The following MROH6 variants were observed in gnomAD, a reference collection of about 807,000 sequenced individuals.
MROH6 encodes maestro heat-like repeat-containing protein family member 6.
A neutral mutation model predicts 67.7 loss-of-function variants in MROH6; 62 were observed. The observed-to-expected ratio is 0.92, with a 90% CI of 0.75 to 1.13. The LOEUF is 1.13. MROH6 is among the 50% of genes most tolerant of loss of function. MROH6 has a pLI of 0.00. For synonymous variants in MROH6, 566 were observed against 470.8 expected, an observed-to-expected ratio of 1.20 and a Z score of -2.62; for missense variants, 1,175 against 1,029.1, an observed-to-expected ratio of 1.14 and a Z score of -1.94.
intron 10 of MROH6, 119 bp from the exon 11 acceptor site, chr8:143,568,380 T>C (rs10101426): frequency 0.99 from 1,437,830 of 1,447,992 alleles, 714,408 homozygotes; most frequent in East Asian, 1. Context: ...GGCAGGAGAC[T>C]GGATTGATTC....
At position 143,569,744 on chromosome 8, in the gene MROH6, A is replaced by G; in HGVS notation, c.1255T>C (p.Trp419Arg). ...WQGDPEPTVR[W>R]LGLLGLGHLA... Reference sequence around the variant, plus strand: ...TGGCCCAGGCCCAGCAGGCCCAACCAGCGCACAGTGGGTTCGGGGTCTCCC... The same window carrying G: ...TGGCCCAGGCCCAGCAGGCCCAACCGGCGCACAGTGGGTTCGGGGTCTCCC... Residue 419 changes from tryptophan to arginine, a missense_variant, in exon 8 of 14, where the codon TGG becomes CGG. Coordinates refer to ENST00000398882, the MANE Select transcript of MROH6 (RefSeq NM_001100878.2). 6.2e-7 allele frequency: 1 copy of G among 1,613,156 alleles called. No homozygotes were observed.
chr8:143,571,621 G>A, intron 3 of MROH6, 46 bp downstream of exon 3: 2 of 1,549,576 alleles, frequency 1.3e-6, no homozygotes, highest in Non-Finnish European at 1.7e-6. Flanking sequence ...GCGGGAAGAG[G>A]GAAGGAAGCC....
Position 143,567,204 on chromosome 8 carries a change from G to T in MROH6, c.*35C>A. ...GCTGCTATGCGCGTGGGGTGCCCGA[G>T]TCGGACCCTGGCCCTCGGGCCCCAG... On this transcript the variant is annotated 3_prime_UTR_variant, in exon 14 of 14. Coordinates refer to ENST00000398882, the MANE Select transcript of MROH6 (RefSeq NM_001100878.2). 8.5e-7 allele frequency: 1 copy of T among 1,179,230 alleles called. No homozygotes were observed. Among genetic ancestry groups the T allele is most frequent in the Non-Finnish European group, 1.1e-6 (1 of 943,166 alleles). The allele number at this position is 1,179,230 out of a possible 1,614,324, so 73.0% of individuals were successfully genotyped here. A position where few individuals can be genotyped will look rare whatever the true frequency, so the allele number is the denominator to read the frequency against.
At chr8:143,569,071 G>C (rs1490687011) in intron 9 of MROH6, among the ~76,000 whole-genome samples, 1 of 53,174 alleles carries the variant, frequency 1.9e-5, no homozygotes, top group African/African-American at 7.9e-5. Context: ...GGGCCTGGGA[G>C]GGAGAAACTG....
rs765980828 is a variant in MROH6, at chr8:143,569,993, C to T, written c.1116G>A (p.Ala372=). ...TAGCCGTGAGACGCTGCGGGTCGTCCGCGCTGCGAAGCCGAGGGAGCAAGT... is the reference window on the plus strand; with the variant it reads ...TAGCCGTGAGACGCTGCGGGTCGTCTGCGCTGCGAAGCCGAGGGAGCAAGT... ...FADLLPRLRS[A]DDPQRLTAMA... The change falls in exon 7 of 14, where the codon GCG becomes GCA. Residue 372 remains alanine, a synonymous_variant. Transcript: ENST00000398882. 61 of 1,613,088 alleles carry T rather than the reference C, an allele frequency of 3.8e-5. No individual in the cohort carries two copies. Among genetic ancestry groups the T allele is most frequent in the Non-Finnish European group, 4.7e-5 (55 of 1,179,868 alleles).
chr8:143,568,849 A>G (rs1823800456), intron 9 of MROH6, 130 bp from the exon 10 acceptor site: 2 of 674,926 alleles, frequency 3.0e-6, no homozygotes, highest in Admixed American at 6.5e-5. Flanking sequence ...ATCTGGGGAC[A>G]GGGAACAGGG....
At position 143,572,753 on chromosome 8, in the gene MROH6, G is replaced by A. The variant is rs1824137758; in HGVS notation, c.-39C>T. ...TGCAGCACCTGCCGCTGCTCCTCCT[G>A]CGAAGTTGTGCCCAGGACTGACCTA... On this transcript the variant is annotated 5_prime_UTR_variant, in exon 1 of 14. Coordinates refer to ENST00000398882, the MANE Select transcript of MROH6 (RefSeq NM_001100878.2). 2.8e-6 allele frequency: 4 copies of A among 1,449,332 alleles called. No individual in the cohort carries two copies. The highest frequency in any genetic ancestry group is 1.4e-5 in the African/African-American group (1 of 70,244). The allele number at this position is 1,449,332 out of a possible 1,614,324, so 89.8% of individuals were successfully genotyped here.
chr8:143,572,132 CG>C lies in MROH6; in HGVS notation c.347del (p.Thr116ArgfsTer49). ...AGCCAGCCTCCTCCAGGCAGGCAGC[CG>C]TGTACAACGCGAGGTCGGCAAGAAC... is the stretch of plus-strand genomic sequence containing the variant. ...EGVLADLALY[T>X]AACLEEAGFA... is the part of the protein sequence containing the mutation. On this transcript the variant is annotated frameshift_variant, in exon 2 of 14. Transcript: ENST00000398882. LOFTEE classifies it high-confidence loss of function. 6.2e-7 allele frequency: 1 copy of C among 1,613,044 alleles called. No individual in the cohort carries two copies. Among genetic ancestry groups the C allele is most frequent in the Non-Finnish European group, 8.5e-7 (1 of 1,179,876 alleles).
rs1002517537 is a variant in MROH6 at position 143,567,478 on chromosome 8, C to T, written c.1934-13G>A. The T allele has an allele frequency of 7.7e-6, 11 of 1,426,182 alleles. No homozygotes were observed. The highest frequency in any genetic ancestry group is 4.4e-5 in the African/African-American group (3 of 68,600). 88.3% of individuals were successfully genotyped at this position (1,426,182 alleles called of 1,614,324 possible). A position where few individuals can be genotyped will look rare whatever the true frequency, so the allele number is the denominator to read the frequency against. On this transcript the variant is annotated splice_polypyrimidine_tract_variant and intron_variant, in intron 13 of 13. Coordinates refer to ENST00000398882, the MANE Select transcript of MROH6 (RefSeq NM_001100878.2). ...AGTCGCCCTAGGTCTGCGAGGAGATCGCGGCTCAGGCTGGGGAGCCCAGGA... is the reference window on the plus strand; with the variant it reads ...AGTCGCCCTAGGTCTGCGAGGAGATTGCGGCTCAGGCTGGGGAGCCCAGGA...
Position 143,569,597 on chromosome 8 carries a change from C to A in MROH6, c.1320G>T (p.Thr440=), listed in dbSNP as rs1417184207. 1.3e-6 allele frequency: 2 copies of A among 1,573,424 alleles called. No homozygotes were observed. Among genetic ancestry groups the A allele is most frequent in the South Asian group, 1.2e-5 (1 of 85,552 alleles). ...LNRRKVRHVS[T]LLPALLGALG... ...GTGCGCCCAGGAGCGCCGGCAGCAG[C>A]GTGCTCACGTGCCGCACCTGCTGGG... Residue 440 remains threonine (T), a synonymous_variant, in exon 9 of 14, where the codon ACG becomes ACT. Coordinates refer to ENST00000398882, the MANE Select transcript of MROH6 (RefSeq NM_001100878.2).
chr8:143,570,489 G>A lies in MROH6; in HGVS notation c.889C>T (p.Pro297Ser), dbSNP rs1239753833. The change falls in exon 5 of 14, where the codon CCA (proline) becomes TCA (serine). Residue 297 changes from proline (P) to serine (S), a missense_variant. Physicochemically the swap from Pro to Ser is moderately conservative, Grantham distance 74. Coordinates refer to ENST00000398882, the MANE Select transcript of MROH6 (RefSeq NM_001100878.2). ...GCCTCTCACCTGGCATGGCTATGTG[G>A]TGGCCCTCGGTGGGACAGAACCCAA... is the stretch of plus-strand genomic sequence containing the variant. ...KIWVLSHRGPPHSHASCAVEA... is the reference protein window; with the variant it reads ...KIWVLSHRGPSHSHASCAVEA... 6.2e-7 allele frequency: 1 copy of A among 1,612,692 alleles called. No individual in the cohort carries two copies. The highest frequency in any genetic ancestry group is 8.5e-7 in the Non-Finnish European group (1 of 1,179,636).
At chr8:143,569,925 A>G in intron 7 of MROH6, 26 bp downstream of exon 7, 2 of 1,612,200 alleles carry the variant, frequency 1.2e-6, no homozygotes, top group Non-Finnish European at 1.7e-6. Flanking sequence ...GTCACCCTTC[A>G]CCACCCATCC....
intron 9 of MROH6, 89 bp from the exon 10 acceptor site, chr8:143,568,808 C>CTA: frequency 9.5e-7 from 1 of 1,057,966 alleles, no homozygotes; most frequent in African/African-American, 1.7e-5. Flanking sequence ...GAGGAAGCGG[C>CTA]GGGTCTAGGG....
chr8:143,568,656 C>A lies in MROH6; in HGVS notation c.1540G>T (p.Gly514Cys). ...CCGCGGAGCCCCAGCCGGAGCCCGC[C>A]CCGGCCCCGGCGCACCAGAGTCCCA... ...LLGTLVRRGR[G>C]GLRLGLRGPL... The change falls in exon 10 of 14, where the codon GGC becomes TGC. Residue 514 changes from glycine to cysteine, a missense_variant. Coordinates refer to ENST00000398882, the MANE Select transcript of MROH6 (RefSeq NM_001100878.2). 6.5e-7 allele frequency: 1 copy of A among 1,531,922 alleles called. No individual in the cohort carries two copies. Among genetic ancestry groups the A allele is most frequent in the Non-Finnish European group, 8.7e-7 (1 of 1,144,248 alleles). The allele number at this position is 1,531,922 out of a possible 1,614,324, so 94.9% of individuals were successfully genotyped here.
intron 7 of MROH6, 24 bp downstream of exon 7, chr8:143,569,927 C>G: frequency 6.2e-7 from 1 of 1,612,302 alleles, no homozygotes; most frequent in Middle Eastern, 1.7e-4. Flanking sequence ...CACCCTTCAC[C>G]ACCCATCCGG....
Position 143,572,134 on chromosome 8 carries a change from T to A in MROH6, c.346A>T (p.Thr116Ser). The change falls in exon 2 of 14, where the codon ACG (threonine) becomes TCG (serine). Residue 116 changes from threonine to serine, a missense_variant. Transcript: ENST00000398882. Reference sequence around the variant, plus strand: ...CCAGCCTCCTCCAGGCAGGCAGCCGTGTACAACGCGAGGTCGGCAAGAACT... The same window carrying A: ...CCAGCCTCCTCCAGGCAGGCAGCCGAGTACAACGCGAGGTCGGCAAGAACT... ...EGVLADLALYTAACLEEAGFA... is the reference protein window; with the variant it reads ...EGVLADLALYSAACLEEAGFA... 1.2e-6 allele frequency: 2 copies of A among 1,612,998 alleles called. No homozygotes were observed. The highest frequency in any genetic ancestry group is 1.1e-5 in the South Asian group (1 of 91,082).
chr8:143,572,377 A>T (rs1824102341), intron 1 of MROH6, 44 bp downstream of exon 1: 1 of 1,501,320 alleles, frequency 6.7e-7, no homozygotes, highest in East Asian at 2.4e-5. Flanking sequence ...CATCCACAGG[A>T]CCCCCAGGCC....
At position 143,566,288 on chromosome 8, in the gene MROH6, T is replaced by G. The variant is rs959254700; in HGVS notation, c.*951A>C. 6.6e-6 allele frequency: 1 copy of G among 152,236 alleles called. No homozygotes were observed. Among genetic ancestry groups the G allele is most frequent in the African/African-American group, 2.4e-5 (1 of 41,448 alleles). 9.4% of individuals were successfully genotyped at this position (152,236 alleles called of 1,614,324 possible). On this transcript the variant is annotated 3_prime_UTR_variant, in exon 14 of 14. Transcript: ENST00000398882. Reference sequence around the variant, plus strand: ...CGCCTGTGCCTGAGGGGCCCCAGTCTGGGCAAGTGGTCCCAGCCCTTCACA... The same window carrying G: ...CGCCTGTGCCTGAGGGGCCCCAGTCGGGGCAAGTGGTCCCAGCCCTTCACA...
At chr8:143,570,704 C>T (rs1054053098) in intron 4 of MROH6, 47 bp from the exon 5 acceptor site, 3 of 1,547,026 alleles carry the variant, frequency 1.9e-6, no homozygotes, top group Non-Finnish European at 2.6e-6. Flanking sequence ...CCTGGAGCTG[C>T]ACTGGGCAGC....
Sources: gnomAD v4.1 joint callset for allele counts (sites outside exome capture counted in the v4.1 genomes callset) on GRCh38, gnomAD v4.1.1 for gene constraint, MANE v1.5 for transcripts, NCBI Gene and HGNC (gene_info 2026-07-23, HGNC 2026-07-21) for gene names.